The following ZNF780B variants were observed in gnomAD, a reference collection of about 807,000 sequenced individuals.
The protein encoded by ZNF780B is zinc finger protein 779.
Under a neutral mutation model 74.1 loss-of-function variants are expected in ZNF780B, and 52 were observed. The observed-to-expected ratio is 0.70, with a 90% CI of 0.56 to 0.88. The LOEUF is 0.88. Among genes scored for constraint, ZNF780B ranks in the 40% least tolerant of loss-of-function variants. The probability of loss-of-function intolerance (pLI) is 0.00; values close to 1 mark genes in which losing one functional copy is unlikely to be tolerated. For missense variants in ZNF780B, 953 were observed against 1,007.6 expected (o/e 0.95, Z 0.73); for synonymous variants, 315 against 324.3 (o/e 0.97, Z 0.31).
rs1972240638 is a variant in ZNF780B, at chr19:40,035,599, C to T, written c.1260G>A (p.Lys420=). 2 of 1,613,396 alleles carry T rather than the reference C, an allele frequency of 1.2e-6. No homozygotes were observed. The highest frequency in any genetic ancestry group is 1.1e-5 in the South Asian group (1 of 91,048). Residue 420 remains lysine (K), a synonymous_variant, in exon 5 of 5, where the codon AAG becomes AAA. Transcript: ENST00000434248. ...IHADVKPYEC[K]ECGKGFNRGA... is the part of the protein sequence containing the mutation. Reference sequence around the variant, plus strand: ...CACGATTAAAGCCTTTCCCACACTCCTTACATTCATATGGTTTTACATCAG... The same window carrying T: ...CACGATTAAAGCCTTTCCCACACTCTTTACATTCATATGGTTTTACATCAG...
chr19:40,034,327 C>A lies in ZNF780B; in HGVS notation c.*30G>T, dbSNP rs1308540152. 2 of 1,541,692 alleles carry A rather than the reference C, an allele frequency of 1.3e-6. No homozygotes were observed. Among genetic ancestry groups the A allele is most frequent in the African/African-American group, 2.7e-5 (2 of 72,934 alleles). ...TGAAATTGGTAATGATATTGAAAGGCCTTCCCACATTCCTTACATTCAAAG... is the reference window on the plus strand; with the variant it reads ...TGAAATTGGTAATGATATTGAAAGGACTTCCCACATTCCTTACATTCAAAG... On this transcript the variant is annotated 3_prime_UTR_variant, in exon 5 of 5. Coordinates refer to ENST00000434248, the MANE Select transcript of ZNF780B (RefSeq NM_001005851.3).
intron 1 of ZNF780B, among the ~76,000 whole-genome samples, chr19:40,053,681 A>G (rs1265326082): frequency 1.3e-5 from 2 of 152,222 alleles, no homozygotes; most frequent in Non-Finnish European, 2.9e-5. Context: ...ATGAATGGAT[A>G]AAGAAAATGT....
At chr19:40,039,958 G>T (rs1042929180) in intron 4 of ZNF780B, among the ~76,000 whole-genome samples, 6 of 152,018 alleles carry the variant, frequency 3.9e-5, no homozygotes, top group Non-Finnish European at 7.4e-5. Context: ...TTGAACAGGA[G>T]TGGTGAGAGA....
In ZNF780B at chr19:40,033,003, T is replaced by C. The variant is rs1972064303; in HGVS notation, c.*1354A>G. On this transcript the variant is annotated 3_prime_UTR_variant, in exon 5 of 5. Transcript: ENST00000434248. The stretch of plus-strand genomic sequence containing the variant: ...AATAAATGTGGCAAATTGTTAACAA[T>C]TTTGAATCTAGGTGGGGGGGATATG... 1 of 152,420 alleles carries C rather than the reference T, an allele frequency of 6.6e-6. No homozygotes were observed. The allele number at this position is 152,420 out of a possible 1,614,324, so 9.4% of individuals were successfully genotyped here. A position where few individuals can be genotyped will look rare whatever the true frequency, so the allele number is the denominator to read the frequency against.
At chr19:40,053,855 T>C (rs1042015657) in intron 1 of ZNF780B, among the ~76,000 whole-genome samples, 3 of 152,190 alleles carry the variant, frequency 2.0e-5, no homozygotes, top group Non-Finnish European at 4.4e-5. Flanking sequence ...AAAATGTTCA[T>C]ATAGGCCAGG....
chr19:40,050,258 T>C (rs889296594), intron 2 of ZNF780B, 66 bp downstream of exon 2: 69 of 1,255,156 alleles, frequency 5.5e-5, no homozygotes, highest in Middle Eastern at 4.4e-4. Context: ...TCAGGTTTAA[T>C]AATAACAGTC....
At chr19:40,043,157 T>C (rs1450145266) in intron 4 of ZNF780B, among the ~76,000 whole-genome samples, 1 of 152,240 alleles carries the variant, frequency 6.6e-6, no homozygotes. Context: ...TGGAGTTTGC[T>C]AGAGGTCCAC....
chr19:40,043,534 T>C (rs1042840358), intron 4 of ZNF780B, among the ~76,000 whole-genome samples: 20 of 152,260 alleles, frequency 1.3e-4, no homozygotes, highest in Non-Finnish European at 2.5e-4. Flanking sequence ...CAGGCAGTCC[T>C]CCTTGAGCTG....
intron 4 of ZNF780B, among the ~76,000 whole-genome samples, chr19:40,047,115 A>G (rs1360347608): frequency 2.6e-5 from 4 of 152,196 alleles, no homozygotes; most frequent in Non-Finnish European, 5.9e-5. Flanking sequence ...TACACTGGGA[A>G]AGAAAGAGGA....
chr19:40,029,356 A>G lies in ZNF780B; in HGVS notation c.*5001T>C, dbSNP rs1476493542. ...AGTTTCTTTACAACGCTGCTCAGAA[A>G]CACCATGACAAATTTAAATCAGAGC... On this transcript the variant is annotated 3_prime_UTR_variant, in exon 5 of 5. Transcript: ENST00000434248. 6.5e-6 allele frequency: 1 copy of G among 154,600 alleles called. No homozygotes were observed. The highest frequency in any genetic ancestry group is 2.4e-5 in the African/African-American group (1 of 41,530). 9.6% of individuals were successfully genotyped at this position (154,600 alleles called of 1,614,324 possible). A position where few individuals can be genotyped will look rare whatever the true frequency, so the allele number is the denominator to read the frequency against.
In ZNF780B at chr19:40,036,537, T is replaced by C; in HGVS notation, c.322A>G (p.Ser108Gly). 6.3e-7 allele frequency: 1 copy of C among 1,596,470 alleles called. No individual in the cohort carries two copies. Among genetic ancestry groups the C allele is most frequent in the Non-Finnish European group, 8.5e-7 (1 of 1,173,140 alleles). ...NLPKHVIKQI[S>G]KTLGLEAFYF... ...AAGGCCTCGAGGCCAAGTGTTTTACTTATTTGCTTTATAACATGTTTGGGT... is the reference window on the plus strand; with the variant it reads ...AAGGCCTCGAGGCCAAGTGTTTTACCTATTTGCTTTATAACATGTTTGGGT... Residue 108 changes from serine to glycine, a missense_variant, in exon 5 of 5, where the codon AGT (serine) becomes GGT (glycine). Transcript: ENST00000434248.
chr19:40,034,829 C>T lies in ZNF780B; in HGVS notation c.2030G>A (p.Gly677Asp), dbSNP rs933901278. Residue 677 changes from glycine to aspartate, a missense_variant, in exon 5 of 5, where the codon GGC (glycine) becomes GAC (aspartate). Transcript: ENST00000434248. ...KPYECKECGK[G>D]FSRVSNLIQH... is the part of the protein sequence containing the mutation. ...AATAAGGTTTGAAACACGACTAAAG[C>T]CTTTCCCACACTCCTTACATTCATA... 6.2e-7 allele frequency: 1 copy of T among 1,612,030 alleles called. No homozygotes were observed. The highest frequency in any genetic ancestry group is 8.5e-7 in the Non-Finnish European group (1 of 1,179,450).
chr19:40,048,027 T>C (rs905772881), intron 3 of ZNF780B, among the ~76,000 whole-genome samples: 1 of 152,230 alleles, frequency 6.6e-6, no homozygotes, highest in African/African-American at 2.4e-5. Flanking sequence ...CTTCATGGCC[T>C]GAAACTTTCA....
Position 40,036,217 on chromosome 19 carries a change from A to G in ZNF780B, c.642T>C (p.Phe214=). The part of the protein sequence containing the change: ...LHIQLTRHQK[F]HTGEKTFECK... Reference sequence around the variant, plus strand: ...ATTCAAAAGTTTTCTCACCAGTATGAAATTTCTGATGTCGAGTAAGTTGTA... The same window carrying G: ...ATTCAAAAGTTTTCTCACCAGTATGGAATTTCTGATGTCGAGTAAGTTGTA... The change falls in exon 5 of 5, where the codon TTT becomes TTC. Residue 214 remains phenylalanine, a synonymous_variant. Transcript: ENST00000434248. 1 of 1,611,560 alleles carries G rather than the reference A, an allele frequency of 6.2e-7. No individual in the cohort carries two copies. Among genetic ancestry groups the G allele is most frequent in the Non-Finnish European group, 8.5e-7 (1 of 1,179,326 alleles).
At position 40,030,144 on chromosome 19, in the gene ZNF780B, TAAAG is replaced by T. The variant is rs899049196; in HGVS notation, c.*4209_*4212del. 4 of 152,316 alleles carry T rather than the reference TAAAG, an allele frequency of 2.6e-5. No homozygotes were observed. Among genetic ancestry groups the T allele is most frequent in the East Asian group, 1.9e-4 (1 of 5,188 alleles). The allele number at this position is 152,316 out of a possible 1,614,324, so 9.4% of individuals were successfully genotyped here. ...GGAATGTCTGAGGTTGGGTTATTAA[TAAAG>T]AAAGAGGTTTATTTGGCTCAGTGTT... On this transcript the variant is annotated 3_prime_UTR_variant, in exon 5 of 5. Coordinates refer to ENST00000434248, the MANE Select transcript of ZNF780B (RefSeq NM_001005851.3).
At chr19:40,047,332 G>A (rs372603027) in intron 4 of ZNF780B, 43 bp downstream of exon 4, 20 of 1,530,508 alleles carry the variant, frequency 1.3e-5, no homozygotes, top group Middle Eastern at 1.8e-4. Context: ...TGGGCTGTCC[G>A]GGACAATGAT....
chr19:40,031,694 GA>G lies in ZNF780B; in HGVS notation c.*2662del. ...ATCCAAAGGGTGCCAGTTTTGTACTGAGTACAGTGTCAGCCATATCACACAA... is the reference window on the plus strand; with the variant it reads ...ATCCAAAGGGTGCCAGTTTTGTACTGGTACAGTGTCAGCCATATCACACAA... On this transcript the variant is annotated 3_prime_UTR_variant, in exon 5 of 5. Transcript: ENST00000434248. 1 of 182,380 alleles carries G rather than the reference GA, an allele frequency of 5.5e-6. No homozygotes were observed. The highest frequency in any genetic ancestry group is 5.5e-5 in the Admixed American group (1 of 18,140). 11.3% of individuals were successfully genotyped at this position (182,380 alleles called of 1,614,324 possible).
chr19:40,042,012 T>C (rs1034084208), intron 4 of ZNF780B, among the ~76,000 whole-genome samples: 5 of 152,370 alleles, frequency 3.3e-5, no homozygotes, highest in Non-Finnish European at 7.3e-5. Flanking sequence ...TGATGGTCTT[T>C]ACATTTTGGC....
rs775400498 is a variant in ZNF780B, at chr19:40,035,456, G to C, written c.1403C>G (p.Thr468Ser). The change falls in exon 5 of 5, where the codon ACT becomes AGT. Residue 468 changes from threonine (T) to serine (S), a missense_variant. Transcript: ENST00000434248. ...TTTACATTCAAAGGGTTTCCCACCA[G>C]TATGAATTTGGCAATGTTGAATAAG... is the stretch of plus-strand genomic sequence containing the variant. Reference protein sequence around the residue: ...YQLIQHCQIHTGGKPFECKEC... With the variant: ...YQLIQHCQIHSGGKPFECKEC... 2.8e-5 allele frequency: 45 copies of C among 1,614,054 alleles called. No homozygotes were observed. Among genetic ancestry groups the C allele is most frequent in the Non-Finnish European group, 3.1e-5 (37 of 1,180,032 alleles).
Sources: allele counts gnomAD v4.1 joint callset (sites outside exome capture counted in the v4.1 genomes callset), GRCh38; gene constraint gnomAD v4.1.1; transcripts MANE v1.5; gene names NCBI Gene and HGNC (gene_info 2026-07-23, HGNC 2026-07-21).